Variants in P3H4 observed in about 807,000 individuals in gnomAD.
P3H4 encodes endoplasmic reticulum protein SC65.
Under a neutral mutation model 52.9 loss-of-function variants are expected in P3H4, and 47 were observed. The ratio of observed to expected loss-of-function variants is 0.89; its 90% CI spans 0.70 to 1.13. P3H4 has a LOEUF of 1.13. Among genes scored for constraint, P3H4 ranks in the 50% most tolerant of loss-of-function variants. The probability of loss-of-function intolerance (pLI) is 0.00; values close to 1 mark genes in which losing one functional copy is unlikely to be tolerated. For synonymous variants in P3H4, 256 were observed against 267.9 expected, an observed-to-expected ratio of 0.96 and a Z score of 0.44; for missense variants, 585 against 611.0, an observed-to-expected ratio of 0.96 and a Z score of 0.45.
intron 6 of P3H4, among the ~76,000 whole-genome samples, chr17:41,805,735 C>G (rs1555614094): frequency 6.6e-6 from 1 of 152,154 alleles, no homozygotes; most frequent in African/African-American, 2.4e-5. Flanking sequence ...TTGGAGGCCA[C>G]CCAACTGGTA....
rs1555614263 is a variant in P3H4, at chr17:41,806,870, G to A, written c.1072C>T (p.Leu358Phe). ...AGCTCGGCGGTCTGGTTGTGGTAGAGCATGGCCTCCTGGAAGGAGGGAAGG... is the reference window on the plus strand; with the variant it reads ...AGCTCGGCGGTCTGGTTGTGGTAGAACATGGCCTCCTGGAAGGAGGGAAGG... The part of the protein sequence containing the change: ...EDFQPREEAM[L>F]YHNQTAELRE... Residue 358 changes from leucine (L) to phenylalanine (F), a missense_variant, in exon 6 of 8, where the codon CTC (leucine) becomes TTC (phenylalanine). Transcript: ENST00000393928. The A allele has an allele frequency of 2.3e-5, 37 of 1,613,442 alleles. No homozygotes were observed. Among genetic ancestry groups the A allele is most frequent in the Non-Finnish European group, 3.1e-5 (37 of 1,179,840 alleles).
Position 41,811,156 on chromosome 17 carries a change from C to A in P3H4, c.591G>T (p.Thr197=). The change falls in exon 2 of 8, where the codon ACG becomes ACT. Residue 197 remains threonine, a synonymous_variant. Transcript: ENST00000393928. This position sits in a 1 kb window ranked among gnomAD's most constrained non-coding sequence, Gnocchi z 4.8. ...CCTCGTAGGGCTGGGCCTCTAGGTC[C>A]GTGAGGGACTCGTCGGCGACGTCCA... ...GMLDVADESL[T]DLEAQPYEAV... 6.8e-6 allele frequency: 11 copies of A among 1,614,188 alleles called. No homozygotes were observed. Among genetic ancestry groups the A allele is most frequent in the Non-Finnish European group, 8.5e-6 (10 of 1,180,030 alleles).
In P3H4 at chr17:41,810,989, G is replaced by A. The variant is rs1309956910; in HGVS notation, c.661C>T (p.Arg221Cys). The stretch of plus-strand genomic sequence containing the variant: ...CGCTCCATGTCCTCCGTGCTGCTGC[G>A]GAAATCCCCGCTGTTGTAGAGCTTC... ...AVKLYNSGDF[R>C]SSTEDMERAL... The change falls in exon 3 of 8, where the codon CGC becomes TGC. Residue 221 changes from arginine to cysteine, a missense_variant. Physicochemically the swap from Arg to Cys is radical, Grantham distance 180. Transcript: ENST00000393928. 9.9e-6 allele frequency: 16 copies of A among 1,614,126 alleles called. No individual in the cohort carries two copies. In the East Asian group the frequency reaches 2.9e-4, roughly 29 times the overall value.
chr17:41,805,363 G>C (rs1555614066), intron 6 of P3H4, among the ~76,000 whole-genome samples: 5 of 151,830 alleles, frequency 3.3e-5, no homozygotes. Context: ...GTCTCAATCT[G>C]TCACCCAGGC....
intron 4 of P3H4, among the ~76,000 whole-genome samples, chr17:41,809,480 CTCT>C (rs1277045748): frequency 3.0e-4 from 45 of 152,216 alleles, no homozygotes; most frequent in Non-Finnish European, 5.1e-4. Flanking sequence ...CCAAAAGACC[CTCT>C]TCTTCTCCCT....
In P3H4 at chr17:41,811,729, G is replaced by T; in HGVS notation, c.187C>A (p.Leu63Met). The T allele has an allele frequency of 6.6e-7, 1 of 1,510,596 alleles. No homozygotes were observed. The highest frequency in any genetic ancestry group is 2.8e-5 in the East Asian group (1 of 35,744). The allele number at this position is 1,510,596 out of a possible 1,614,324, so 93.6% of individuals were successfully genotyped here. A position where few individuals can be genotyped will look rare whatever the true frequency, so the allele number is the denominator to read the frequency against. ...TCGCGCAGGAGCCGGTGCAGCCGCAGCGCCGCCTCCAGGTAGCGCGCGCTC... is the reference window on the plus strand; with the variant it reads ...TCGCGCAGGAGCCGGTGCAGCCGCATCGCCGCCTCCAGGTAGCGCGCGCTC... ...RESARYLEAA[L>M]RLHRLLRDSE... Residue 63 changes from leucine to methionine, a missense_variant, in exon 1 of 8, where the codon CTG (leucine) becomes ATG (methionine). By Grantham distance (15) the Leu-to-Met change is conservative. Coordinates refer to ENST00000393928, the MANE Select transcript of P3H4 (RefSeq NM_006455.3). The surrounding 1 kb of genome is among the most constrained non-coding windows in gnomAD (Gnocchi z 4.8).
intron 6 of P3H4, among the ~76,000 whole-genome samples, chr17:41,806,226 A>T (rs955078034): frequency 1.3e-5 from 2 of 152,100 alleles, no homozygotes; most frequent in South Asian, 4.2e-4. Context: ...CTCAAAAAAA[A>T]AAAATAAATA....
chr17:41,811,326 C>G lies in P3H4; in HGVS notation c.463-42G>C, dbSNP rs2047733703. The G allele has an allele frequency of 1.2e-6, 2 of 1,609,590 alleles. No individual in the cohort carries two copies. The highest frequency in any genetic ancestry group is 1.1e-5 in the South Asian group (1 of 90,940). On this transcript the variant is annotated intron_variant, in intron 1 of 7. Transcript: ENST00000393928. This position sits in a 1 kb window ranked among gnomAD's most constrained non-coding sequence, Gnocchi z 4.8. ...GGGTGGGGGAGCGGGTCAGCAAGAC[C>G]GGAGCTCGCGGCCCCGAGCGCACGG...
rs781798772 is a variant in P3H4 at position 41,810,972 on chromosome 17, G to T, written c.678C>A (p.Asp226Glu). ...NSGDFRSSTE[D>E]MERALSEYLA... ...GGTACTCTGACAAGGCCCGCTCCAT[G>T]TCCTCCGTGCTGCTGCGGAAATCCC... Residue 226 changes from aspartate (D) to glutamate (E), a missense_variant, in exon 3 of 8, where the codon GAC (aspartate) becomes GAA (glutamate). Coordinates refer to ENST00000393928, the MANE Select transcript of P3H4 (RefSeq NM_006455.3). 4 of 1,614,206 alleles carry T rather than the reference G, an allele frequency of 2.5e-6. No individual in the cohort carries two copies. The South Asian group carries it at 4.4e-5, about 18-fold the overall frequency.
In P3H4 at chr17:41,802,880, G is replaced by T; in HGVS notation, c.*77C>A. 1.4e-6 allele frequency: 2 copies of T among 1,460,022 alleles called. No individual in the cohort carries two copies. Among genetic ancestry groups the T allele is most frequent in the Non-Finnish European group, 1.9e-6 (2 of 1,048,516 alleles). 90.4% of individuals were successfully genotyped at this position (1,460,022 alleles called of 1,614,324 possible). A position where few individuals can be genotyped will look rare whatever the true frequency, so the allele number is the denominator to read the frequency against. On this transcript the variant is annotated 3_prime_UTR_variant, in exon 8 of 8. Transcript: ENST00000393928. ...CTTAAGTTTTTAATAAATAGTTCTT[G>T]CTGCTGCCCAGGCTGGTGAGGGTGG...
intron 4 of P3H4, 98 bp from the exon 5 acceptor site, chr17:41,808,102 TC>T: frequency 6.9e-7 from 1 of 1,453,696 alleles, no homozygotes; most frequent in Non-Finnish European, 9.3e-7. Flanking sequence ...CCCAGCCACC[TC>T]CCAGAATACC....
At position 41,811,530 on chromosome 17, in the gene P3H4, G is replaced by T; in HGVS notation, c.386C>A (p.Pro129His). The T allele has an allele frequency of 6.2e-7, 1 of 1,611,418 alleles. No homozygotes were observed. The highest frequency in any genetic ancestry group is 8.5e-7 in the Non-Finnish European group (1 of 1,179,472). ...ACGCAGCAGCTGCCGCGGCGGGTAG[G>T]GCACCTGGAAGGCGGGCAGCGTCCG... ...CKRTLPAFQV[P>H]YPPRQLLRDF... The change falls in exon 1 of 8, where the codon CCC (proline) becomes CAC (histidine). Residue 129 changes from proline (P) to histidine (H), a missense_variant. By Grantham distance (77) the Pro-to-His change is moderately conservative. Coordinates refer to ENST00000393928, the MANE Select transcript of P3H4 (RefSeq NM_006455.3). The surrounding 1 kb of genome is among the most constrained non-coding windows in gnomAD (Gnocchi z 4.8).
intron 4 of P3H4, among the ~76,000 whole-genome samples, chr17:41,808,909 G>A (rs1555614557): frequency 2.6e-5 from 4 of 152,072 alleles, no homozygotes; most frequent in South Asian, 2.1e-4. Flanking sequence ...TGGCATCTCC[G>A]AGCTGCAGGA....
Position 41,811,916 on chromosome 17 carries a change from G to A in P3H4, c.-1C>T. The stretch of plus-strand genomic sequence containing the variant: ...GCAGCCCCCACGCCACCCGAGCCAT[G>A]CCCGCCGCGCCGCCGGCTCTCCGGA... On this transcript the variant is annotated 5_prime_UTR_variant, in exon 1 of 8. Coordinates refer to ENST00000393928, the MANE Select transcript of P3H4 (RefSeq NM_006455.3). The surrounding 1 kb of genome is among the most constrained non-coding windows in gnomAD (Gnocchi z 4.8). 3 of 1,502,028 alleles carry A rather than the reference G, an allele frequency of 2.0e-6. No homozygotes were observed. Among genetic ancestry groups the A allele is most frequent in the South Asian group, 1.2e-5 (1 of 80,758 alleles). The allele number at this position is 1,502,028 out of a possible 1,614,324, so 93.0% of individuals were successfully genotyped here. A position where few individuals can be genotyped will look rare whatever the true frequency, so the allele number is the denominator to read the frequency against.
At chr17:41,804,214 G>C (rs1401983050) in intron 6 of P3H4, among the ~76,000 whole-genome samples, 1 of 151,940 alleles carries the variant, frequency 6.6e-6, no homozygotes, top group African/African-American at 2.4e-5. Context: ...GCCTCCCAAA[G>C]TGCTGGGATT....
intron 4 of P3H4, 64 bp downstream of exon 4, chr17:41,809,642 C>G: frequency 6.4e-7 from 1 of 1,556,636 alleles, no homozygotes; most frequent in Non-Finnish European, 8.8e-7. Context: ...CTGGGAGGCT[C>G]CCATACAGTC....
Position 41,811,387 on chromosome 17 carries a change from C to T in P3H4, c.462+67G>A. ...GCCTTGGGTGAAGATAACGCTCCTT[C>T]GACCGATCTGTGGGGAGCCACGACG... is the stretch of plus-strand genomic sequence containing the variant. On this transcript the variant is annotated intron_variant, in intron 1 of 7. Coordinates refer to ENST00000393928, the MANE Select transcript of P3H4 (RefSeq NM_006455.3). This position sits in a 1 kb window ranked among gnomAD's most constrained non-coding sequence, Gnocchi z 4.8. 1.2e-6 allele frequency: 2 copies of T among 1,606,660 alleles called. No homozygotes were observed. The highest frequency in any genetic ancestry group is 1.7e-6 in the Non-Finnish European group (2 of 1,175,514).
chr17:41,803,434 A>G lies in P3H4; in HGVS notation c.1147-3T>C, dbSNP rs782808343. On this transcript the variant is annotated splice_region_variant and splice_polypyrimidine_tract_variant and intron_variant, in intron 6 of 7. Transcript: ENST00000393928. Reference sequence around the variant, plus strand: ...GGTTCTGTCTCCTCCAGCTCCATCTAGAGTAGCGCCACGGTTGTGGGAGAA... The same window carrying G: ...GGTTCTGTCTCCTCCAGCTCCATCTGGAGTAGCGCCACGGTTGTGGGAGAA... The G allele has an allele frequency of 9.3e-6, 15 of 1,613,066 alleles. No homozygotes were observed. The highest frequency in any genetic ancestry group is 1.1e-5 in the Non-Finnish European group (13 of 1,179,590).
intron 4 of P3H4, among the ~76,000 whole-genome samples, chr17:41,808,887 C>G (rs2047701133): frequency 6.6e-6 from 1 of 152,190 alleles, no homozygotes; most frequent in African/African-American, 2.4e-5. Context: ...ACTCCTGGCT[C>G]TGTCTGAATC....
Sources: gnomAD v4.1 joint callset for allele counts (sites outside exome capture counted in the v4.1 genomes callset) on GRCh38, gnomAD v4.1.1 for gene constraint, Gnocchi (gnomAD v3.1) non-coding constraint, MANE v1.5 for transcripts, NCBI Gene and HGNC (gene_info 2026-07-23, HGNC 2026-07-21) for gene names.